The following FRY variants were observed in gnomAD, a reference collection of about 807,000 sequenced individuals.
The protein encoded by FRY is FRY microtubule binding protein.
Under a neutral mutation model 348.4 loss-of-function variants are expected in FRY, and 128 were observed. That is an observed-to-expected ratio of 0.37 (90% CI 0.32 to 0.43). The LOEUF (loss-of-function observed/expected upper bound fraction) is 0.43, where lower values mean the gene tolerates loss of function less well. Among genes scored for constraint, FRY ranks in the 20% least tolerant of loss-of-function variants. The pLI, the probability that FRY is intolerant of heterozygous loss-of-function variation, is 1.00. For missense variants in FRY, 2,736 were observed against 3,695.2 expected (o/e 0.74, Z 6.73); for synonymous variants, 1,370 against 1,374.7 (o/e 1.00, Z 0.08).
chr13:32,101,819 A>G (rs1770432077), intron 2 of FRY, 144 bp from the exon 3 acceptor site: 1 of 617,300 alleles, frequency 1.6e-6, no homozygotes, highest in Non-Finnish European at 2.9e-6. Context: ...CTAAGGGAGA[A>G]TACCTCACTC....
Position 32,239,689 on chromosome 13 carries a change from ATTGATTTT to A in FRY, c.6517-19_6517-12del. The A allele has an allele frequency of 6.4e-7, 1 of 1,559,174 alleles. No individual in the cohort carries two copies. Among genetic ancestry groups the A allele is most frequent in the Non-Finnish European group, 8.8e-7 (1 of 1,130,566 alleles). ...TATTCATTGGGCTATTTTATTCCTA[ATTGATTTT>A]TTTATTTTAAAAGGTTTGTTTAGAA... On this transcript the variant is annotated splice_polypyrimidine_tract_variant and intron_variant, in intron 45 of 60. Coordinates refer to ENST00000542859, the MANE Select transcript of FRY (RefSeq NM_023037.3). The surrounding 1 kb of genome is among the most constrained non-coding windows in gnomAD (Gnocchi z 4.3).
chr13:32,130,452 T>TTG (rs58000380), intron 7 of FRY, among the ~76,000 whole-genome samples: 6,374 of 141,760 alleles, frequency 0.045, 142 homozygotes, highest in Non-Finnish European at 0.049. Flanking sequence ...TGGAAAGTGT[T>TTG]TGTGTGTGTG....
chr13:32,137,901 T>C (rs1470628019), intron 11 of FRY, among the ~76,000 whole-genome samples: 1 of 152,228 alleles, frequency 6.6e-6, no homozygotes, highest in Admixed American at 6.5e-5. Flanking sequence ...GCATTTACCA[T>C]AATTACACAA....
intron 57 of FRY, 86 bp downstream of exon 57, chr13:32,276,648 AACTTAAG>A (rs1474156379): frequency 1.3e-5 from 10 of 784,688 alleles, no homozygotes; most frequent in Non-Finnish European, 2.1e-5. Flanking sequence ...GGTTGTGATT[AACTTAAG>A]ACTTTCAGAC....
rs372879483 is a variant in FRY, at chr13:32,294,457, C to G, written c.8670C>G (p.Asp2890Glu). 6.2e-7 allele frequency: 1 copy of G among 1,613,836 alleles called. No homozygotes were observed. Among genetic ancestry groups the G allele is most frequent in the Non-Finnish European group, 8.5e-7 (1 of 1,179,732 alleles). Residue 2890 changes from aspartate to glutamate, a missense_variant, in exon 60 of 61, where the codon GAC (aspartate) becomes GAG (glutamate). Physicochemically the swap from Asp to Glu is conservative, Grantham distance 45. Around this residue, in one of 9 missense-constraint regions of FRY, gnomAD observed 157 missense variants for 215.2 expected, o/e 0.73. Coordinates refer to ENST00000542859, the MANE Select transcript of FRY (RefSeq NM_023037.3). ...AVIAADPLYS[D>E]GAWSEPTFTS... ...TTGCAGCTGACCCTCTCTATTCAGA[C>G]GGCGCGTGGTCCGAGCCCACCTTCA... is the stretch of plus-strand genomic sequence containing the variant.
chr13:32,034,616 C>T (rs959624886), intron 1 of FRY, among the ~76,000 whole-genome samples: 7 of 152,168 alleles, frequency 4.6e-5, no homozygotes, highest in South Asian at 2.1e-4. Flanking sequence ...CTCACGGCTG[C>T]GGCCCCTTGT....
chr13:32,044,627 T>G (rs560993969), intron 1 of FRY, among the ~76,000 whole-genome samples: 1 of 152,308 alleles, frequency 6.6e-6, no homozygotes, highest in African/African-American at 2.4e-5. Flanking sequence ...CCCGCCCCAC[T>G]TTTCCTCTGC....
At chr13:32,074,210 G>A (rs1005974160) in intron 1 of FRY, among the ~76,000 whole-genome samples, 2 of 152,064 alleles carry the variant, frequency 1.3e-5, no homozygotes, top group Admixed American at 1.3e-4. Context: ...CAGTGAACAC[G>A]GGAAAACACT....
chr13:32,080,816 C>G (rs557562354), intron 2 of FRY, among the ~76,000 whole-genome samples: 1 of 152,054 alleles, frequency 6.6e-6, no homozygotes, highest in Non-Finnish European at 1.5e-5. Context: ...ACCCTGTAGC[C>G]CTAGAAAAGT....
At chr13:32,047,639 C>T (rs1012431924) in intron 1 of FRY, among the ~76,000 whole-genome samples, 3 of 149,894 alleles carry the variant, frequency 2.0e-5, no homozygotes, top group Admixed American at 6.8e-5. Flanking sequence ...AGCATGATCT[C>T]GCCTCACTGC....
chr13:32,137,517 C>G (rs1451231936), intron 11 of FRY, among the ~76,000 whole-genome samples: 1 of 152,250 alleles, frequency 6.6e-6, no homozygotes, highest in Non-Finnish European at 1.5e-5. Context: ...GTATCCTGTT[C>G]AAGCCACATG....
At chr13:32,165,075 A>AT (rs5802635) in intron 17 of FRY, among the ~76,000 whole-genome samples, 39,173 of 152,158 alleles carry the variant, frequency 0.26, 5,354 homozygotes, top group Middle Eastern at 0.36. Context: ...AGCTGGGCAC[A>AT]TGTTCATTCT....
At chr13:32,225,478 G>C (rs1320994243) in intron 38 of FRY, among the ~76,000 whole-genome samples, 4 of 152,152 alleles carry the variant, frequency 2.6e-5, no homozygotes, top group African/African-American at 9.7e-5. Context: ...AATAAAATTA[G>C]AATCTTTCAG....
intron 17 of FRY, among the ~76,000 whole-genome samples, chr13:32,163,823 G>A (rs548474237): frequency 3.9e-5 from 6 of 152,158 alleles, no homozygotes; most frequent in South Asian, 2.1e-4. Flanking sequence ...TTTATAGTGC[G>A]TCCTGTTTAT....
At chr13:32,240,673 C>G (rs1011731621) in intron 46 of FRY, among the ~76,000 whole-genome samples, 1 of 152,200 alleles carries the variant, frequency 6.6e-6, no homozygotes, top group Non-Finnish European at 1.5e-5. Flanking sequence ...TACACAAGGT[C>G]ATGAAATCTA....
At chr13:32,079,921 A>T (rs1875370446) in intron 2 of FRY, among the ~76,000 whole-genome samples, 1 of 152,246 alleles carries the variant, frequency 6.6e-6, no homozygotes, top group Non-Finnish European at 1.5e-5. Flanking sequence ...GCAGAATAAT[A>T]ACTTAAAATA....
At chr13:32,084,519 C>T (rs766160201) in intron 2 of FRY, among the ~76,000 whole-genome samples, 1 of 152,146 alleles carries the variant, frequency 6.6e-6, no homozygotes, top group Non-Finnish European at 1.5e-5. Context: ...ATCTGAAAAG[C>T]TTGGCTTGAT....
chr13:32,179,692 G>A lies in FRY; in HGVS notation c.2889G>A (p.Ser963=), dbSNP rs768314531. ...SYDNKAIGTP[S]VGVLLKQLVP... Reference sequence around the variant, plus strand: ...TATTTCAGGCCATAGGCACCCCATCGGTGGGAGTTCTGTTAAAGCAGTTGG... The same window carrying A: ...TATTTCAGGCCATAGGCACCCCATCAGTGGGAGTTCTGTTAAAGCAGTTGG... Residue 963 remains serine, a synonymous_variant, in exon 23 of 61, where the codon TCG becomes TCA. Coordinates refer to ENST00000542859, the MANE Select transcript of FRY (RefSeq NM_023037.3). The A allele has an allele frequency of 6.9e-5, 112 of 1,613,794 alleles. No individual in the cohort carries two copies. Among genetic ancestry groups the A allele is most frequent in the Non-Finnish European group, 9.0e-5 (106 of 1,179,844 alleles).
At chr13:32,229,310 T>C (rs750979458) in intron 40 of FRY, among the ~76,000 whole-genome samples, 1 of 152,226 alleles carries the variant, frequency 6.6e-6, no homozygotes, top group Non-Finnish European at 1.5e-5. Context: ...TGCTTACTTG[T>C]GACTGGGTGG....
Sources: allele counts gnomAD v4.1 joint callset (sites outside exome capture counted in the v4.1 genomes callset), GRCh38; gene constraint gnomAD v4.1.1; regional missense constraint gnomAD v4.1.1; non-coding constraint Gnocchi (gnomAD v3.1); transcripts MANE v1.5; gene names NCBI Gene and HGNC (gene_info 2026-07-23, HGNC 2026-07-21).